SOX5: variants seen among roughly 807,000 people sequenced by gnomAD.
SOX5 encodes transcription factor SOX-5.
Under a neutral mutation model 92.0 loss-of-function variants are expected in SOX5, and 9 were observed. The observed-to-expected ratio is 0.10, with a 90% CI of 0.06 to 0.17. The LOEUF is 0.17. Ranked by LOEUF, SOX5 falls within the 10% of genes least tolerant of loss-of-function variation. The pLI, the probability that SOX5 is intolerant of heterozygous loss-of-function variation, is 1.00. For missense variants in SOX5, 642 were observed against 944.5 expected, an observed-to-expected ratio of 0.68 and a Z score of 4.20; for synonymous variants, 344 against 336.3, an observed-to-expected ratio of 1.02 and a Z score of -0.25.
chr12:23,607,281 A>T (rs2075362392), intron 8 of SOX5, among the ~76,000 whole-genome samples: 1 of 152,202 alleles, frequency 6.6e-6, no homozygotes, highest in Non-Finnish European at 1.5e-5. Context: ...ATTCTAACAC[A>T]AAAGCAAAAA....
intron 7 of SOX5, among the ~76,000 whole-genome samples, chr12:23,647,659 C>G (rs2081036739): frequency 3.3e-5 from 5 of 152,212 alleles, no homozygotes; most frequent in Admixed American, 3.3e-4. Flanking sequence ...TCAGCACTTG[C>G]TGTTTCATCT....
At chr12:24,206,396 C>T (rs1958022168) in intron 4 of SOX5, among the ~76,000 whole-genome samples, 1 of 152,146 alleles carries the variant, frequency 6.6e-6, no homozygotes, top group African/African-American at 2.4e-5. Flanking sequence ...GACTCCTATT[C>T]CTAATATTGG....
In SOX5 at chr12:24,288,848, C is replaced by T. The variant is rs12313292; in HGVS notation, c.-173-11536G>A. ...GTGAATTTGGTTCTCTTTTTACTTGCGAAGTTTTTCAATAGACATTATAAT... is the reference window on the plus strand; with the variant it reads ...GTGAATTTGGTTCTCTTTTTACTTGTGAAGTTTTTCAATAGACATTATAAT... On this transcript the variant is annotated intron_variant, in intron 2 of 4. Coordinates refer to the SOX5 transcript ENST00000446891. 9.8e-3 allele frequency among the ~76,000 whole-genome samples: 1,492 copies of T among 152,000 alleles called. 16 individuals carry two copies. Among genetic ancestry groups the T allele is most frequent in the Middle Eastern group, 0.027 (8 of 294 alleles).
chr12:24,339,394 A>T (rs1224935071), intron 2 of SOX5, among the ~76,000 whole-genome samples: 1 of 152,062 alleles, frequency 6.6e-6, no homozygotes, highest in Non-Finnish European at 1.5e-5. Flanking sequence ...AGGGTACAAC[A>T]TGTGTGTGCA....
At chr12:24,248,869 AC>A (rs1386496145) in intron 3 of SOX5, among the ~76,000 whole-genome samples, 1 of 152,172 alleles carries the variant, frequency 6.6e-6, no homozygotes, top group Admixed American at 6.5e-5. Flanking sequence ...TGTAATAATC[AC>A]AAAAGGAATG....
chr12:23,775,457 C>T (rs2095067279), intron 3 of SOX5, among the ~76,000 whole-genome samples: 1 of 152,070 alleles, frequency 6.6e-6, no homozygotes, highest in Non-Finnish European at 1.5e-5. Flanking sequence ...CAGTACTGAC[C>T]CACCAAGCCC....
At chr12:24,301,903 A>G (rs183629588) in intron 2 of SOX5, among the ~76,000 whole-genome samples, 30 of 152,284 alleles carry the variant, frequency 2.0e-4, no homozygotes, top group Admixed American at 9.2e-4. Flanking sequence ...TACAGCAACT[A>G]CATCAGTTCT....
chr12:23,571,768 A>C (rs1345121541), intron 10 of SOX5, among the ~76,000 whole-genome samples: 1 of 152,184 alleles, frequency 6.6e-6, no homozygotes, highest in East Asian at 1.9e-4. Flanking sequence ...CTGACAAAAA[A>C]TTACTTCAAA....
chr12:24,182,799 C>T (rs143625802), intron 4 of SOX5, among the ~76,000 whole-genome samples: 72 of 152,200 alleles, frequency 4.7e-4, no homozygotes, highest in Non-Finnish European at 7.6e-4. Context: ...CTGCAACTTC[C>T]GCCTCACAGG....
At chr12:23,959,827 T>C (rs1591812409) in intron 4 of SOX5, among the ~76,000 whole-genome samples, 1 of 152,316 alleles carries the variant, frequency 6.6e-6, no homozygotes, top group Non-Finnish European at 1.5e-5. Flanking sequence ...TTTCAACTAC[T>C]ATATGACAAT....
intron 2 of SOX5, among the ~76,000 whole-genome samples, chr12:24,303,202 A>C (rs73060351): frequency 0.036 from 5,435 of 152,268 alleles, 401 homozygotes; most frequent in East Asian, 0.35. Context: ...TGGCCACATA[A>C]AATTTTTAAA....
chr12:23,902,156 T>TA lies in SOX5; in HGVS notation c.39-6133dup, dbSNP rs556599968. On this transcript the variant is annotated intron_variant, in intron 1 of 14. Coordinates refer to ENST00000451604, the MANE Select transcript of SOX5 (RefSeq NM_006940.6). ...ATCACCTACTTACTGCTAAAAACTT[T>TA]AAAAAAAACTTTTAGGAAATGTTCT... Among the ~76,000 whole-genome samples the TA allele has an allele frequency of 5.4e-3, 825 of 152,070 alleles. 4 individuals are homozygous for TA. Among genetic ancestry groups the TA allele is most frequent in the Non-Finnish European group, 8.6e-3 (582 of 67,948 alleles).
intron 2 of SOX5, among the ~76,000 whole-genome samples, chr12:24,348,745 G>C (rs1953672324): frequency 1.3e-5 from 2 of 152,050 alleles, no homozygotes; most frequent in Non-Finnish European, 2.9e-5. Context: ...TTGAATTGTA[G>C]CTCCCATAAT....
intron 6 of SOX5, among the ~76,000 whole-genome samples, chr12:23,679,930 T>C (rs1438767054): frequency 6.7e-6 from 1 of 149,774 alleles, no homozygotes; most frequent in Non-Finnish European, 1.5e-5. Flanking sequence ...AAATATTTGC[T>C]TACAAAAAGG....
chr12:24,276,200 G>A (rs1031690463), intron 3 of SOX5, among the ~76,000 whole-genome samples: 4 of 151,836 alleles, frequency 2.6e-5, no homozygotes, highest in South Asian at 4.1e-4. Context: ...TCCATTATTC[G>A]CTATGTTTTC....
chr12:24,242,286 A>G (rs974678529), intron 3 of SOX5, among the ~76,000 whole-genome samples: 2 of 152,198 alleles, frequency 1.3e-5, no homozygotes, highest in African/African-American at 4.8e-5. Flanking sequence ...GGCTATAAAT[A>G]CTGCACCTCT....
intron 2 of SOX5, among the ~76,000 whole-genome samples, chr12:24,287,675 A>C (rs1287853786): frequency 6.6e-6 from 1 of 150,816 alleles, no homozygotes; most frequent in Non-Finnish European, 1.5e-5. Context: ...TTTTCAAAAA[A>C]ATTCTTAAAA....
At chr12:24,351,826 T>C (rs1954122978) in intron 2 of SOX5, among the ~76,000 whole-genome samples, 1 of 152,266 alleles carries the variant, frequency 6.6e-6, no homozygotes, top group Non-Finnish European at 1.5e-5. Flanking sequence ...TTATAGATTA[T>C]TTGCACTTAC....
At chr12:24,098,719 A>T (rs1320356651) in intron 4 of SOX5, among the ~76,000 whole-genome samples, 1 of 151,788 alleles carries the variant, frequency 6.6e-6, no homozygotes, top group East Asian at 1.9e-4. Flanking sequence ...GCTTCTCCAG[A>T]CTCTCTCTCT....
Sources: allele counts gnomAD v4.1 joint callset (sites outside exome capture counted in the v4.1 genomes callset), GRCh38; gene constraint gnomAD v4.1.1; transcripts MANE v1.5; gene names NCBI Gene and HGNC (gene_info 2026-07-23, HGNC 2026-07-21).